ZNF423: variants seen among roughly 807,000 people sequenced by gnomAD.
ZNF423 encodes the protein Ebf-associated zinc finger protein.
Under a neutral mutation model 95.8 loss-of-function variants are expected in ZNF423, and 12 were observed. The observed-to-expected ratio is 0.13, with a 90% CI of 0.08 to 0.20. ZNF423 has a LOEUF of 0.20. ZNF423 is among the 10% of genes least tolerant of loss of function. The pLI is 1.00. For missense variants in ZNF423, 1,316 were observed against 1,737.1 expected (o/e 0.76, Z 4.31); for synonymous variants, 749 against 711.9 (o/e 1.05, Z -0.83).
At position 49,816,043 on chromosome 16, in the gene ZNF423, T is replaced by C. The variant is rs1004451647; in HGVS notation, c.41-26497A>G. Among the ~76,000 whole-genome samples, 80 of 149,606 alleles carry C rather than the reference T, an allele frequency of 5.3e-4. No homozygotes were observed. The East Asian group carries it at 0.016, about 30-fold the overall frequency. On this transcript the variant is annotated intron_variant, in intron 1 of 7. Coordinates refer to ENST00000563137, the MANE Select transcript of ZNF423 (RefSeq NM_001379286.1). ...AGGCGATTCTCCTGCCTCAGCCTCC[T>C]GGGTAGCTGGAATTACAAGCGCCCG...
chr16:49,717,685 G>C (rs1424719957), intron 3 of ZNF423, among the ~76,000 whole-genome samples: 1 of 152,170 alleles, frequency 6.6e-6, no homozygotes, highest in Non-Finnish European at 1.5e-5. Context: ...TGCACTGTTT[G>C]ATTTCAGCTG....
intron 1 of ZNF423, among the ~76,000 whole-genome samples, chr16:49,827,865 C>G (rs1015943359): frequency 1.3e-5 from 2 of 152,244 alleles, no homozygotes; most frequent in Non-Finnish European, 2.9e-5. Flanking sequence ...ATCCCCTAAC[C>G]CTGGGATTAT....
chr16:49,686,261 A>T (rs578225972), intron 3 of ZNF423, among the ~76,000 whole-genome samples: 1 of 152,196 alleles, frequency 6.6e-6, no homozygotes, highest in Non-Finnish European at 1.5e-5. Context: ...CATATTAATT[A>T]TGAAAGTCCT....
intron 3 of ZNF423, among the ~76,000 whole-genome samples, chr16:49,686,288 G>A (rs893660826): frequency 6.6e-6 from 1 of 152,140 alleles, no homozygotes; most frequent in Non-Finnish European, 1.5e-5. Flanking sequence ...TGAGTCTCGG[G>A]TAGGCAGGCA....
chr16:49,843,608 C>G (rs2035213466), intron 1 of ZNF423, among the ~76,000 whole-genome samples: 1 of 152,122 alleles, frequency 6.6e-6, no homozygotes, highest in Admixed American at 6.5e-5. Context: ...AAACTGAGGC[C>G]CATAGAAGGA....
rs1276132758 is a variant in ZNF423 at position 49,854,753 on chromosome 16, C to T, written c.40+982G>A. On this transcript the variant is annotated intron_variant, in intron 1 of 7. Transcript: ENST00000563137. The stretch of plus-strand genomic sequence containing the variant: ...CCGGCGCGCGGCCTTTCCCCGGGGC[C>T]TCTACTCTCCAGGGGTCCCCTCGAG... 3.0e-6 allele frequency: 3 copies of T among 985,280 alleles called. No individual in the cohort carries two copies. In the African/African-American group the frequency reaches 5.2e-5, roughly 17 times the overall value. 61.0% of individuals were successfully genotyped at this position (985,280 alleles called of 1,614,324 possible). A position where few individuals can be genotyped will look rare whatever the true frequency, so the allele number is the denominator to read the frequency against.
intron 4 of ZNF423, among the ~76,000 whole-genome samples, chr16:49,634,975 C>CTTTGATGAACAGGGAAAA (rs1972634162): frequency 6.6e-6 from 1 of 152,208 alleles, no homozygotes; most frequent in South Asian, 2.1e-4. Context: ...ATAATGGGTG[C>CTTTGATGAACAGGGAAAA]TTTGATGAAC....
rs530160605 is a variant in ZNF423, at chr16:49,786,100, A to T, written c.100+3387T>A. Among the ~76,000 whole-genome samples, 5 of 152,178 alleles carry T rather than the reference A, an allele frequency of 3.3e-5. No individual in the cohort carries two copies. The East Asian group carries it at 9.7e-4, about 29-fold the overall frequency. ...GGGCTCACCATTAGCAGCCCCATTC[A>T]CCAGCAAGTGGCATGAGTGGGCCTG... On this transcript the variant is annotated intron_variant, in intron 2 of 7. Transcript: ENST00000563137.
intron 3 of ZNF423, among the ~76,000 whole-genome samples, chr16:49,676,583 C>T (rs2031058655): frequency 6.6e-6 from 1 of 152,184 alleles, no homozygotes; most frequent in Admixed American, 6.5e-5. Flanking sequence ...ACCGAGACCA[C>T]CTTGCAGGTG....
chr16:49,624,168 G>C (rs760070961), intron 5 of ZNF423, among the ~76,000 whole-genome samples: 19 of 151,870 alleles, frequency 1.3e-4, no homozygotes, highest in Non-Finnish European at 2.4e-4. Flanking sequence ...GTATATAACA[G>C]TATATAATGT....
intron 5 of ZNF423, among the ~76,000 whole-genome samples, chr16:49,571,813 A>T (rs1970364915): frequency 6.6e-6 from 1 of 152,156 alleles, no homozygotes; most frequent in Non-Finnish European, 1.5e-5. Flanking sequence ...GGGACAAGGG[A>T]ACAGGCAGCT....
At chr16:49,626,359 C>G (rs948554539) in intron 4 of ZNF423, 105 bp from the exon 5 acceptor site, 1 of 990,592 alleles carries the variant, frequency 1.0e-6, no homozygotes. Flanking sequence ...AGAATGGTTC[C>G]AGTCCCCTCC....
chr16:49,705,952 G>A (rs571158939), intron 3 of ZNF423, among the ~76,000 whole-genome samples: 13 of 152,310 alleles, frequency 8.5e-5, no homozygotes, highest in South Asian at 2.1e-4. Context: ...GAGAAGGCAC[G>A]TGGACGACCA....
chr16:49,832,548 A>G (rs2035071909), intron 1 of ZNF423, among the ~76,000 whole-genome samples: 1 of 152,160 alleles, frequency 6.6e-6, no homozygotes, highest in South Asian at 2.1e-4. Flanking sequence ...CGCTCCTCAA[A>G]TAGGCAGGTC....
chr16:49,735,648 C>A (rs1316965871), intron 2 of ZNF423, among the ~76,000 whole-genome samples: 1 of 152,164 alleles, frequency 6.6e-6, no homozygotes, highest in African/African-American at 2.4e-5. Context: ...GCAGCTTCCC[C>A]CTGCATCTCC....
At chr16:49,581,743 T>C (rs577649669) in intron 5 of ZNF423, among the ~76,000 whole-genome samples, 2 of 152,354 alleles carry the variant, frequency 1.3e-5, no homozygotes, top group East Asian at 3.9e-4. Flanking sequence ...TTTCTCTTTG[T>C]TGTCTTGGGT....
chr16:49,624,031 C>A (rs1472080405), intron 5 of ZNF423, among the ~76,000 whole-genome samples: 1 of 152,220 alleles, frequency 6.6e-6, no homozygotes, highest in South Asian at 2.1e-4. Context: ...TAAGTCCATA[C>A]AACCACTTCA....
chr16:49,506,324 G>A (rs9935548), intron 7 of ZNF423, among the ~76,000 whole-genome samples: 62,941 of 151,876 alleles, frequency 0.41, 13,568 homozygotes, highest in African/African-American at 0.54. Context: ...GATGGTAGAC[G>A]GATGATGGAC....
chr16:49,650,016 A>G (rs1973339233), intron 3 of ZNF423, among the ~76,000 whole-genome samples: 1 of 152,258 alleles, frequency 6.6e-6, no homozygotes, highest in Non-Finnish European at 1.5e-5. Context: ...AAGGAAAAGT[A>G]GGGATCATTC....
Sources: gnomAD v4.1 joint callset for allele counts (sites outside exome capture counted in the v4.1 genomes callset) on GRCh38, gnomAD v4.1.1 for gene constraint, MANE v1.5 for transcripts, NCBI Gene and HGNC (gene_info 2026-07-23, HGNC 2026-07-21) for gene names.